Variants in SNRPF observed in about 807,000 individuals in gnomAD.
SNRPF encodes the protein small nuclear ribonucleoprotein polypeptide F.
A neutral mutation model predicts 13.4 loss-of-function variants in SNRPF; 1 was observed. The observed-to-expected ratio is 0.07, with a 90% CI of 0.03 to 0.35. The LOEUF (loss-of-function observed/expected upper bound fraction) is 0.35, where lower values mean the gene tolerates loss of function less well. Among genes scored for constraint, SNRPF ranks in the 10% least tolerant of loss-of-function variants. SNRPF has a pLI of 0.99. For missense variants in SNRPF, 53 were observed against 101.0 expected (o/e 0.52, Z 2.04); for synonymous variants, 27 against 32.1 (o/e 0.84, Z 0.54).
At chr12:95,864,293 C>T (rs1176124711) in intron 2 of SNRPF, among the ~76,000 whole-genome samples, 1 of 152,146 alleles carries the variant, frequency 6.6e-6, no homozygotes, top group Non-Finnish European at 1.5e-5. Flanking sequence ...TGAAGGAAAC[C>T]TCCCTCTCTC....
intron 2 of SNRPF, chr12:95,861,956 T>G (rs2079498472): frequency 6.6e-6 from 1 of 152,218 alleles, no homozygotes; most frequent in South Asian, 2.1e-4. Context: ...AAAGTGAAAT[T>G]TTTTGCCCAT....
Position 95,866,123 on chromosome 12 carries a change from G to A in SNRPF, c.*52G>A, listed in dbSNP as rs776392788. On this transcript the variant is annotated 3_prime_UTR_variant, in exon 4 of 4. Transcript: ENST00000266735. ...ATATATTTCTAGACAATAAAGATTT[G>A]TTTGTTTTTCAACTTGACTTGTGAA... The A allele has an allele frequency of 1.2e-6, 1 of 804,374 alleles. No homozygotes were observed. The highest frequency in any genetic ancestry group is 2.5e-5 in the Admixed American group (1 of 39,284). 49.8% of individuals were successfully genotyped at this position (804,374 alleles called of 1,614,324 possible). A position where few individuals can be genotyped will look rare whatever the true frequency, so the allele number is the denominator to read the frequency against.
At position 95,858,965 on chromosome 12, in the gene SNRPF, A is replaced by C. The variant is rs933065997; in HGVS notation, c.-109A>C. On this transcript the variant is annotated 5_prime_UTR_variant, in exon 1 of 4. Transcript: ENST00000266735. ...AAGGTCATAGTCCTGTTTGGCGGCC[A>C]TTTCTCTTGAAACTGCGGCTCGGGA... 1.3e-6 allele frequency: 2 copies of C among 1,542,014 alleles called. No homozygotes were observed. Among genetic ancestry groups the C allele is most frequent in the South Asian group, 1.2e-5 (1 of 85,116 alleles).
chr12:95,860,551 G>T (rs1449625722), intron 1 of SNRPF, among the ~76,000 whole-genome samples: 2 of 152,034 alleles, frequency 1.3e-5, no homozygotes, highest in African/African-American at 2.4e-5. Flanking sequence ...TCTTGACAGG[G>T]ACTCATTTAT....
chr12:95,860,009 G>A (rs2079487480), intron 1 of SNRPF, among the ~76,000 whole-genome samples: 1 of 152,228 alleles, frequency 6.6e-6, no homozygotes, highest in Non-Finnish European at 1.5e-5. Context: ...ATATGCTCAT[G>A]TTAGAGGGGG....
At chr12:95,865,607 T>C (rs1021268374) in intron 3 of SNRPF, among the ~76,000 whole-genome samples, 2 of 152,222 alleles carry the variant, frequency 1.3e-5, no homozygotes, top group African/African-American at 4.8e-5. Flanking sequence ...CTAGTGTTGA[T>C]GTTTAATTTT....
At chr12:95,862,543 T>C (rs1429084316) in intron 2 of SNRPF, among the ~76,000 whole-genome samples, 1 of 152,092 alleles carries the variant, frequency 6.6e-6, no homozygotes, top group African/African-American at 2.4e-5. Flanking sequence ...TGAAACTGCA[T>C]CTCTACAAAA....
chr12:95,860,005 T>G, intron 1 of SNRPF, among the ~76,000 whole-genome samples: 1 of 152,192 alleles, frequency 6.6e-6, no homozygotes, highest in East Asian at 1.9e-4. Flanking sequence ...CCGAATATGC[T>G]CATGTTAGAG....
chr12:95,859,577 C>G (rs1325843304), intron 1 of SNRPF, among the ~76,000 whole-genome samples: 1 of 151,990 alleles, frequency 6.6e-6, no homozygotes, highest in Non-Finnish European at 1.5e-5. Flanking sequence ...GATGGCCTCC[C>G]TAGGAGGTGG....
chr12:95,859,982 T>TATCAAG (rs1257270303), intron 1 of SNRPF, among the ~76,000 whole-genome samples: 1 of 152,190 alleles, frequency 6.6e-6, no homozygotes, highest in East Asian at 1.9e-4. Context: ...GTAATCGCCA[T>TATCAAG]ATCAAGATCA....
intron 1 of SNRPF, among the ~76,000 whole-genome samples, chr12:95,860,843 C>T (rs1326468325): frequency 7.1e-6 from 1 of 141,128 alleles, no homozygotes; most frequent in African/African-American, 2.7e-5. Flanking sequence ...AGCCACCCTA[C>T]CTGGCCCGCT....
Position 95,865,447 on chromosome 12 carries a change from C to G in SNRPF, c.194+59C>G, listed in dbSNP as rs936054114. 1.6e-5 allele frequency: 12 copies of G among 738,474 alleles called. No individual in the cohort carries two copies. The African/African-American group carries it at 1.8e-4, about 11-fold the overall frequency. The allele number at this position is 738,474 out of a possible 1,614,324, so 45.7% of individuals were successfully genotyped here. ...CTGGTGAGCATTAGGAATACCTGTT[C>G]TAAATATATTAGTGCCTCAATTTTG... On this transcript the variant is annotated intron_variant, in intron 3 of 3. Coordinates refer to ENST00000266735, the MANE Select transcript of SNRPF (RefSeq NM_003095.5).
chr12:95,865,929 CATA>C, intron 3 of SNRPF, 73 bp from the exon 4 acceptor site: 1 of 612,286 alleles, frequency 1.6e-6, no homozygotes, highest in Non-Finnish European at 2.8e-6. Context: ...TCAGTATTTT[CATA>C]ATAAAAATAT....
At chr12:95,859,196 C>G in intron 1 of SNRPF, 120 bp downstream of exon 1, 1 of 843,184 alleles carries the variant, frequency 1.2e-6, no homozygotes, top group Non-Finnish European at 2.0e-6. Context: ...GCCGCGCACC[C>G]TGTCGCCAGC....
intron 1 of SNRPF, 125 bp from the exon 2 acceptor site, chr12:95,861,043 C>A: frequency 1.3e-6 from 1 of 742,078 alleles, no homozygotes; most frequent in Non-Finnish European, 2.1e-6. Context: ...AAATTATGTA[C>A]TAAAATAATA....
intron 2 of SNRPF, 60 bp downstream of exon 2, chr12:95,861,353 C>G: frequency 6.7e-7 from 1 of 1,498,578 alleles, no homozygotes; most frequent in East Asian, 2.4e-5. Flanking sequence ...CCTTATTTCT[C>G]AAAGGTTTAG....
chr12:95,866,055 G>T lies in SNRPF; in HGVS notation c.245G>T (p.Gly82Val). The part of the protein sequence containing the change: ...IRGVEEEEED[G>V]EMRE Reference sequence around the variant, plus strand: ...GGTGTGGAAGAAGAGGAAGAAGATGGGGAAATGAGAGAATAGCATCTTTTG... The same window carrying T: ...GGTGTGGAAGAAGAGGAAGAAGATGTGGAAATGAGAGAATAGCATCTTTTG... The change falls in exon 4 of 4, where the codon GGG (glycine) becomes GTG (valine). Residue 82 changes from glycine (G) to valine (V), a missense_variant. Coordinates refer to ENST00000266735, the MANE Select transcript of SNRPF (RefSeq NM_003095.5). 6.6e-7 allele frequency: 1 copy of T among 1,513,092 alleles called. No homozygotes were observed. The highest frequency in any genetic ancestry group is 9.1e-7 in the Non-Finnish European group (1 of 1,101,878). 93.7% of individuals were successfully genotyped at this position (1,513,092 alleles called of 1,614,324 possible). A position where few individuals can be genotyped will look rare whatever the true frequency, so the allele number is the denominator to read the frequency against.
chr12:95,864,620 C>T (rs971863544), intron 2 of SNRPF, among the ~76,000 whole-genome samples: 1 of 152,206 alleles, frequency 6.6e-6, no homozygotes, highest in Non-Finnish European at 1.5e-5. Context: ...AATTCTTATT[C>T]AGGCCCAGAT....
intron 2 of SNRPF, among the ~76,000 whole-genome samples, chr12:95,864,075 TTACA>T (rs1303728026): frequency 9.2e-5 from 14 of 152,366 alleles, no homozygotes; most frequent in Admixed American, 2.0e-4. Context: ...CTTATAGCTG[TTACA>T]TACAAACTGT....
Sources: allele counts gnomAD v4.1 joint callset (sites outside exome capture counted in the v4.1 genomes callset), GRCh38; gene constraint gnomAD v4.1.1; transcripts MANE v1.5; gene names NCBI Gene and HGNC (gene_info 2026-07-23, HGNC 2026-07-21).